ASS1: variants seen among roughly 807,000 people sequenced by gnomAD.
ASS1 encodes the protein argininosuccinate synthase 1, also known as argininosuccinate synthase.
ASS1 carries 58 observed loss-of-function variants against 60.5 expected under a neutral mutation model. That is an observed-to-expected ratio of 0.96 (90% CI 0.78 to 1.19). The LOEUF (loss-of-function observed/expected upper bound fraction) is 1.19. Ranked by LOEUF, ASS1 falls within the 50% of genes most tolerant of loss-of-function variation. ASS1 has a pLI of 0.00. For missense variants in ASS1, 454 were observed against 547.3 expected (o/e 0.83, Z 1.70); for synonymous variants, 200 against 206.9 (o/e 0.97, Z 0.29).
intron 8 of ASS1, among the ~76,000 whole-genome samples, chr9:130,474,188 A>G (rs1232269782): frequency 2.6e-5 from 4 of 151,856 alleles, no homozygotes; most frequent in Non-Finnish European, 4.4e-5. Context: ...GAGAGTAAAA[A>G]GAAGGCAGGC....
In ASS1 at chr9:130,476,997, A is replaced by ACT; in HGVS notation, c.688+37_688+38dup. ...ACCTGTTGGGACTCGAAGGGGGTTG[A>ACT]CTTTTGGGGCCCTGGCTCCTTTCCC... is the stretch of plus-strand genomic sequence containing the variant. On this transcript the variant is annotated intron_variant, in intron 9 of 14. Transcript: ENST00000352480. The surrounding 1 kb of genome is among the most constrained non-coding windows in gnomAD (Gnocchi z 4.9). 1 of 1,592,368 alleles carries ACT rather than the reference A, an allele frequency of 6.3e-7. No homozygotes were observed. Among genetic ancestry groups the ACT allele is most frequent in the Non-Finnish European group, 8.6e-7 (1 of 1,160,432 alleles).
rs1846408978 is a variant in ASS1, at chr9:130,489,921, G to T, written c.970+457G>T. On this transcript the variant is annotated intron_variant, in intron 12 of 14. Transcript: ENST00000352480. The surrounding 1 kb of genome is among the most constrained non-coding windows in gnomAD (Gnocchi z 4.1). ...TAGCTGGGTTTGACCCCCAAGTCAG[G>T]CTGTCTCCAGGAAGAACCTGGACCT... Among the ~76,000 whole-genome samples the T allele has an allele frequency of 6.6e-6, 1 of 152,242 alleles. No individual in the cohort carries two copies. Among genetic ancestry groups the T allele is most frequent in the South Asian group, 2.1e-4 (1 of 4,836 alleles).
chr9:130,466,138 G>A (rs1406867884), intron 5 of ASS1, among the ~76,000 whole-genome samples: 2 of 152,236 alleles, frequency 1.3e-5, no homozygotes, highest in Non-Finnish European at 2.9e-5. Context: ...GTCCTGCTCA[G>A]AGGCAGGGGC....
chr9:130,468,245 G>A (rs1478507184), intron 6 of ASS1, among the ~76,000 whole-genome samples: 1 of 152,088 alleles, frequency 6.6e-6, no homozygotes, highest in South Asian at 2.1e-4. Context: ...AAATCAATGG[G>A]GCTTTCAAAA....
intron 3 of ASS1, among the ~76,000 whole-genome samples, chr9:130,457,328 G>A (rs750593498): frequency 5.9e-5 from 9 of 152,050 alleles, no homozygotes; most frequent in East Asian, 5.8e-4. Flanking sequence ...AAACTTAGCC[G>A]GGCGTGGTAG....
chr9:130,460,367 G>A (rs1017555302), intron 4 of ASS1, among the ~76,000 whole-genome samples: 1 of 152,218 alleles, frequency 6.6e-6, no homozygotes, highest in Non-Finnish European at 1.5e-5. Context: ...GCTGGGAGTT[G>A]GGTGCTTGCT....
At chr9:130,483,443 G>A (rs1033872802) in intron 11 of ASS1, among the ~76,000 whole-genome samples, 3 of 151,842 alleles carry the variant, frequency 2.0e-5, no homozygotes, top group African/African-American at 7.3e-5. Context: ...ACAGGGGGCT[G>A]GGGAAGCCGC....
chr9:130,480,634 C>T (rs1336197036), intron 11 of ASS1, among the ~76,000 whole-genome samples, 185 bp downstream of exon 11: 1 of 152,248 alleles, frequency 6.6e-6, no homozygotes, highest in Admixed American at 6.5e-5. Flanking sequence ...GGGCCCTTTG[C>T]CCCTGACTTT....
chr9:130,500,293 T>C (rs1201143942), intron 14 of ASS1, among the ~76,000 whole-genome samples: 1 of 152,156 alleles, frequency 6.6e-6, no homozygotes, highest in Non-Finnish European at 1.5e-5. Context: ...GGATGTCTCA[T>C]TTAATTCTTA....
At chr9:130,495,124 T>C (rs1846551153) in intron 13 of ASS1, 101 bp downstream of exon 13, 8 of 1,441,168 alleles carry the variant, frequency 5.6e-6, no homozygotes, top group South Asian at 2.5e-5. Flanking sequence ...TCAGGCACCA[T>C]GCAGAGCACA....
Position 130,466,742 on chromosome 9 carries a change from G to A in ASS1, c.438G>A (p.Arg146=), listed in dbSNP as rs1180017518. ...ATGTCCAGGTCATTGCTCCCTGGAG[G>A]ATGCCTGAATTCTACAACCGGTTCA... ...APQIKVIAPW[R]MPEFYNRFKG... The change falls in exon 6 of 15, where the codon AGG becomes AGA. Residue 146 remains arginine, a synonymous_variant. Transcript: ENST00000352480. The A allele has an allele frequency of 6.2e-7, 1 of 1,614,024 alleles. No homozygotes were observed. The highest frequency in any genetic ancestry group is 1.3e-5 in the African/African-American group (1 of 74,942).
intron 8 of ASS1, among the ~76,000 whole-genome samples, chr9:130,473,378 G>A (rs2131889125): frequency 6.6e-6 from 1 of 152,260 alleles, no homozygotes; most frequent in East Asian, 1.9e-4. Flanking sequence ...AAGGGTCCAA[G>A]GTCCTCTCAG....
rs1694779927 is a variant in ASS1, at chr9:130,477,235, C to T, written c.688+274C>T. Among the ~76,000 whole-genome samples the T allele has an allele frequency of 6.6e-6, 1 of 152,148 alleles. No individual in the cohort carries two copies. The highest frequency in any genetic ancestry group is 6.5e-5 in the Admixed American group (1 of 15,280). On this transcript the variant is annotated intron_variant, in intron 9 of 14. Transcript: ENST00000352480. The surrounding 1 kb of genome is among the most constrained non-coding windows in gnomAD (Gnocchi z 4.2). ...GGTCTGGAATGAGAGCGCTCTAGTC[C>T]CTGAACAGCCACTCAACTTTCCTGG... is the stretch of plus-strand genomic sequence containing the variant.
At chr9:130,487,002 C>A (rs1216654726) in intron 11 of ASS1, among the ~76,000 whole-genome samples, 1 of 148,686 alleles carries the variant, frequency 6.7e-6, no homozygotes, top group Non-Finnish European at 1.5e-5. Context: ...CGGGCCCATT[C>A]CCCCTCCAGT....
intron 4 of ASS1, 102 bp from the exon 5 acceptor site, chr9:130,464,009 C>A (rs539714314): frequency 1.0e-5 from 13 of 1,285,926 alleles, no homozygotes; most frequent in African/African-American, 1.5e-5. Flanking sequence ...ACGCTCTGCC[C>A]AGCTCTGTCT....
At position 130,495,031 on chromosome 9, in the gene ASS1, C is replaced by T. The variant is rs1231262490; in HGVS notation, c.1127+8C>T. The T allele has an allele frequency of 4.4e-6, 7 of 1,606,368 alleles. No homozygotes were observed. The highest frequency in any genetic ancestry group is 5.9e-6 in the Non-Finnish European group (7 of 1,177,142). On this transcript the variant is annotated splice_region_variant and intron_variant, in intron 13 of 14. Transcript: ENST00000352480. Reference sequence around the variant, plus strand: ...CAATGAGGAGCTGGTGAGGTAGGTGCCCCACACCTCATTCTGACCCCCACT... The same window carrying T: ...CAATGAGGAGCTGGTGAGGTAGGTGTCCCACACCTCATTCTGACCCCCACT...
chr9:130,458,427 G>T lies in ASS1; in HGVS notation c.201G>T (p.Glu67Asp). ...TGTTCATTGAGGATGTCAGCAGGGA[G>T]TTTGTGGAGGAGTTCATCTGGCCGG... ...KKVFIEDVSR[E>D]FVEEFIWPAI... The change falls in exon 4 of 15, where the codon GAG becomes GAT. Residue 67 changes from glutamate to aspartate, a missense_variant. Glu to Asp is a conservative substitution (Grantham distance 45). Coordinates refer to ENST00000352480, the MANE Select transcript of ASS1 (RefSeq NM_054012.4). 3.7e-6 allele frequency: 6 copies of T among 1,612,096 alleles called. No individual in the cohort carries two copies. The highest frequency in any genetic ancestry group is 5.1e-6 in the Non-Finnish European group (6 of 1,179,874).
chr9:130,450,473 A>C, intron 1 of ASS1: 2 of 443,208 alleles, frequency 4.5e-6, no homozygotes, highest in Non-Finnish European at 6.0e-6. Flanking sequence ...CCAGCAACTC[A>C]GGGGCAGGGG....
intron 5 of ASS1, among the ~76,000 whole-genome samples, chr9:130,465,913 G>A (rs1380910931): frequency 1.3e-5 from 2 of 152,172 alleles, no homozygotes; most frequent in East Asian, 1.9e-4. Context: ...GTCCAGTTTC[G>A]AGGTCTTTGT....
Sources: gnomAD v4.1 joint callset for allele counts (sites outside exome capture counted in the v4.1 genomes callset) on GRCh38, gnomAD v4.1.1 for gene constraint, Gnocchi (gnomAD v3.1) non-coding constraint, MANE v1.5 for transcripts, NCBI Gene and HGNC (gene_info 2026-07-23, HGNC 2026-07-21) for gene names.